Variants in METTL24 observed in about 807,000 individuals in gnomAD.
METTL24 encodes probable methyltransferase-like protein 24.
In METTL24, 29 loss-of-function variants were observed where a neutral mutation model predicts 32.7. The ratio of observed to expected loss-of-function variants is 0.89; its 90% CI spans 0.66 to 1.21. The LOEUF is 1.21. METTL24 is among the 50% of genes most tolerant of loss of function. The pLI, the probability that METTL24 is intolerant of heterozygous loss-of-function variation, is 0.00. For missense variants in METTL24, 439 were observed against 468.1 expected (o/e 0.94, Z 0.57); for synonymous variants, 163 against 179.5 (o/e 0.91, Z 0.73).
chr6:110,313,557 G>C (rs932320109), intron 3 of METTL24, among the ~76,000 whole-genome samples: 2 of 152,096 alleles, frequency 1.3e-5, no homozygotes, highest in African/African-American at 4.8e-5. Flanking sequence ...TTATCCCAGG[G>C]CGTAAAATAT....
chr6:110,325,662 G>A (rs1346724083), intron 1 of METTL24, among the ~76,000 whole-genome samples: 1 of 152,152 alleles, frequency 6.6e-6, no homozygotes, highest in Non-Finnish European at 1.5e-5. Context: ...GGTAAAATGG[G>A]GTCTTTGTCA....
chr6:110,250,530 G>C (rs1431100905), intron 4 of METTL24, among the ~76,000 whole-genome samples: 4 of 151,830 alleles, frequency 2.6e-5, no homozygotes, highest in Non-Finnish European at 5.9e-5. Flanking sequence ...ATATTAATTT[G>C]GGGGAGACAC....
chr6:110,293,736 G>A (rs151155223), intron 4 of METTL24, among the ~76,000 whole-genome samples: 2 of 152,088 alleles, frequency 1.3e-5, no homozygotes, highest in Non-Finnish European at 2.9e-5. Flanking sequence ...CCAGGGGTTA[G>A]GGAAGGAGGT....
At chr6:110,261,981 A>G (rs1396777204) in intron 4 of METTL24, among the ~76,000 whole-genome samples, 1 of 152,204 alleles carries the variant, frequency 6.6e-6, no homozygotes, top group Non-Finnish European at 1.5e-5. Flanking sequence ...GTAGAGGGAA[A>G]TTTATAGCAC....
At chr6:110,303,136 A>G (rs1045806762) in intron 3 of METTL24, among the ~76,000 whole-genome samples, 2 of 152,174 alleles carry the variant, frequency 1.3e-5, no homozygotes, top group Non-Finnish European at 2.9e-5. Flanking sequence ...CAGCCCGGAT[A>G]CTACGCTTTT....
chr6:110,256,035 T>C (rs982480733), intron 4 of METTL24, among the ~76,000 whole-genome samples: 1 of 152,096 alleles, frequency 6.6e-6, no homozygotes, highest in Non-Finnish European at 1.5e-5. Flanking sequence ...TACTAAAATA[T>C]AAGTGAGAAG....
chr6:110,343,633 G>C (rs963773717), intron 1 of METTL24, among the ~76,000 whole-genome samples: 1 of 152,184 alleles, frequency 6.6e-6, no homozygotes, highest in Non-Finnish European at 1.5e-5. Context: ...GGGTGTTGAA[G>C]GCCTGAAAAT....
intron 3 of METTL24, among the ~76,000 whole-genome samples, chr6:110,303,643 G>A (rs1438517954): frequency 6.6e-6 from 1 of 152,206 alleles, no homozygotes; most frequent in Non-Finnish European, 1.5e-5. Context: ...GGGCATCCCT[G>A]AAAGAAATGC....
intron 1 of METTL24, among the ~76,000 whole-genome samples, chr6:110,325,045 C>CA (rs1221286987): frequency 6.6e-6 from 1 of 152,140 alleles, no homozygotes; most frequent in East Asian, 1.9e-4. Flanking sequence ...CAAATGCCTC[C>CA]AGTCCTGCTT....
chr6:110,329,017 T>C (rs1772066187), intron 1 of METTL24, among the ~76,000 whole-genome samples: 2 of 152,224 alleles, frequency 1.3e-5, no homozygotes, highest in South Asian at 2.1e-4. Flanking sequence ...AAAGGATGCT[T>C]CTAATGCCCC....
At position 110,329,723 on chromosome 6, in the gene METTL24, C is replaced by T. The variant is rs1468668548; in HGVS notation, c.319-6851G>A. On this transcript the variant is annotated intron_variant, in intron 1 of 4. Transcript: ENST00000338882. ...AATTGGCCTGTTTCTCAGACCCGGCCCTGCTTCAGAAAGAGCAAGAATCAG... is the reference window on the plus strand; with the variant it reads ...AATTGGCCTGTTTCTCAGACCCGGCTCTGCTTCAGAAAGAGCAAGAATCAG... 2.6e-5 allele frequency among the ~76,000 whole-genome samples: 4 copies of T among 152,136 alleles called. No homozygotes were observed. In the South Asian group the frequency reaches 6.2e-4, roughly 24 times the overall value.
chr6:110,310,287 A>T (rs1401876096), intron 3 of METTL24, among the ~76,000 whole-genome samples: 2 of 152,230 alleles, frequency 1.3e-5, no homozygotes, highest in African/African-American at 4.8e-5. Flanking sequence ...GAGACAAAAA[A>T]TATGTACCTA....
chr6:110,248,994 A>C (rs976021020), intron 4 of METTL24, among the ~76,000 whole-genome samples: 2 of 151,976 alleles, frequency 1.3e-5, no homozygotes, highest in African/African-American at 4.8e-5. Context: ...TGTTCTATCA[A>C]TTCACATAGC....
chr6:110,316,327 T>C (rs753296548), intron 2 of METTL24, among the ~76,000 whole-genome samples: 1 of 152,234 alleles, frequency 6.6e-6, no homozygotes, highest in Non-Finnish European at 1.5e-5. Context: ...GGATTCTGAC[T>C]TGTATTTGAG....
intron 2 of METTL24, among the ~76,000 whole-genome samples, chr6:110,321,635 G>A (rs2114753476): frequency 6.6e-6 from 1 of 152,278 alleles, no homozygotes; most frequent in Middle Eastern, 3.4e-3. Flanking sequence ...ATTTGCAGCA[G>A]CAAAATAAGA....
intron 1 of METTL24, among the ~76,000 whole-genome samples, chr6:110,328,184 T>A (rs1438783594): frequency 2.0e-5 from 3 of 152,164 alleles, no homozygotes; most frequent in Non-Finnish European, 4.4e-5. Flanking sequence ...AGGGCATTCA[T>A]ACAGAGGGGC....
intron 3 of METTL24, among the ~76,000 whole-genome samples, chr6:110,304,564 A>G (rs941975682): frequency 3.9e-5 from 6 of 152,338 alleles, no homozygotes; most frequent in African/African-American, 1.4e-4. Flanking sequence ...GGAAGAAAGG[A>G]TATCAGAGAT....
At chr6:110,325,450 G>T (rs1772001098) in intron 1 of METTL24, among the ~76,000 whole-genome samples, 1 of 152,192 alleles carries the variant, frequency 6.6e-6, no homozygotes, top group South Asian at 2.1e-4. Flanking sequence ...AGGCTGGATT[G>T]GGCCTGCAAG....
chr6:110,284,729 G>A (rs1163535590), intron 4 of METTL24, among the ~76,000 whole-genome samples: 1 of 151,988 alleles, frequency 6.6e-6, no homozygotes, highest in Non-Finnish European at 1.5e-5. Flanking sequence ...ATCTGGTACT[G>A]TCTAGTTAAT....
Sources: gnomAD v4.1 joint callset for allele counts (sites outside exome capture counted in the v4.1 genomes callset) on GRCh38, gnomAD v4.1.1 for gene constraint, MANE v1.5 for transcripts, NCBI Gene and HGNC (gene_info 2026-07-23, HGNC 2026-07-21) for gene names.